The following XKR9 variants were observed in gnomAD, a reference collection of about 807,000 sequenced individuals.
The protein encoded by XKR9 is XK-related protein 9.
In XKR9, 32 loss-of-function variants were observed where a neutral mutation model predicts 32.0. That is an observed-to-expected ratio of 1.00 (90% CI 0.76 to 1.34). The LOEUF (loss-of-function observed/expected upper bound fraction) is 1.34. Ranked by LOEUF, XKR9 falls within the 40% of genes most tolerant of loss-of-function variation. The pLI is 0.00. For synonymous variants in XKR9, 168 were observed against 143.4 expected, an observed-to-expected ratio of 1.17 and a Z score of -1.22; for missense variants, 546 against 429.7, an observed-to-expected ratio of 1.27 and a Z score of -2.39.
intron 3 of XKR9, among the ~76,000 whole-genome samples, chr8:70,696,110 A>T (rs1258814866): frequency 4.6e-5 from 7 of 150,724 alleles, no homozygotes; most frequent in African/African-American, 1.7e-4. Context: ...AGGTTGCAAA[A>T]ATTTTCTCCC....
At chr8:70,809,384 A>G in the XKR9 span, among the ~76,000 whole-genome samples, 81,169 of 152,082 alleles carry the variant, frequency 0.53, 22,661 homozygotes, top group Middle Eastern at 0.62. Flanking sequence ...AAAAATCAGA[A>G]TGCCTCTCCT....
the XKR9 span, among the ~76,000 whole-genome samples, chr8:70,941,424 G>C: frequency 6.6e-6 from 1 of 152,014 alleles, no homozygotes; most frequent in Non-Finnish European, 1.5e-5. Flanking sequence ...TAAAGCCAGG[G>C]TCTGGAGTTA....
At chr8:70,751,831 T>C (rs1371920644) in intron 2 of XKR9, among the ~76,000 whole-genome samples, 2 of 152,186 alleles carry the variant, frequency 1.3e-5, no homozygotes, top group African/African-American at 4.8e-5. Flanking sequence ...TCTCACACCT[T>C]TGAACTTGGA....
chr8:71,028,662 A>G, the XKR9 span, among the ~76,000 whole-genome samples: 2 of 152,230 alleles, frequency 1.3e-5, no homozygotes, highest in Non-Finnish European at 2.9e-5. Flanking sequence ...ATAGATGTTA[A>G]TTAGCTTTAT....
chr8:70,871,781 G>A, the XKR9 span, among the ~76,000 whole-genome samples: 18 of 152,174 alleles, frequency 1.2e-4, no homozygotes, highest in African/African-American at 3.9e-4. Context: ...TAAATCAAAA[G>A]CTGGAAGTGA....
intron 4 of XKR9, among the ~76,000 whole-genome samples, chr8:70,730,954 T>C (rs1474196423): frequency 6.6e-6 from 1 of 152,172 alleles, no homozygotes; most frequent in Admixed American, 6.5e-5. Flanking sequence ...TATCCCCACA[T>C]GGTCACAAAG....
intron 2 of XKR9, among the ~76,000 whole-genome samples, chr8:70,784,783 A>G (rs193121603): frequency 6.6e-6 from 1 of 152,266 alleles, no homozygotes; most frequent in East Asian, 1.9e-4. Flanking sequence ...TCCAGATCTT[A>G]GAGGAAATGC....
the XKR9 span, among the ~76,000 whole-genome samples, chr8:70,984,603 A>G: frequency 3.9e-5 from 6 of 152,342 alleles, no homozygotes; most frequent in South Asian, 1.2e-3. Flanking sequence ...TTTGTTTTAA[A>G]TGGGCAAAGG....
At chr8:70,866,405 G>A in the XKR9 span, among the ~76,000 whole-genome samples, 1 of 152,200 alleles carries the variant, frequency 6.6e-6, no homozygotes, top group Admixed American at 6.5e-5. Context: ...GAAAGGAAGT[G>A]ATTGTGAAGG....
the XKR9 span, among the ~76,000 whole-genome samples, chr8:71,049,474 A>C: frequency 2.0e-5 from 3 of 152,182 alleles, no homozygotes; most frequent in Admixed American, 2.0e-4. Flanking sequence ...GCCTTTGAGG[A>C]ACTAATAATC....
At chr8:70,970,143 A>T in the XKR9 span, among the ~76,000 whole-genome samples, 2 of 152,022 alleles carry the variant, frequency 1.3e-5, no homozygotes, top group African/African-American at 2.4e-5. Context: ...CAGCTCGTTG[A>T]TTGATGGGCA....
intron 2 of XKR9, among the ~76,000 whole-genome samples, chr8:70,746,361 A>G (rs1319662711): frequency 6.8e-6 from 1 of 147,838 alleles, no homozygotes; most frequent in Non-Finnish European, 1.5e-5. Context: ...TATAAAGAAT[A>G]TAATTATATA....
At chr8:70,755,327 C>T (rs1807205028) in intron 2 of XKR9, among the ~76,000 whole-genome samples, 1 of 152,190 alleles carries the variant, frequency 6.6e-6, no homozygotes, top group Non-Finnish European at 1.5e-5. Flanking sequence ...TAAACTAGTT[C>T]AACCATTGTG....
At chr8:70,852,579 C>A in the XKR9 span, among the ~76,000 whole-genome samples, 3 of 152,066 alleles carry the variant, frequency 2.0e-5, no homozygotes, top group Non-Finnish European at 2.9e-5. Context: ...TTCACAATAG[C>A]AAAGACTTGG....
chr8:70,932,449 T>C, the XKR9 span, among the ~76,000 whole-genome samples: 41 of 152,200 alleles, frequency 2.7e-4, no homozygotes, highest in African/African-American at 9.9e-4. Context: ...GCCATAATAG[T>C]GATGTGAAGT....
At chr8:70,925,284 T>A in the XKR9 span, among the ~76,000 whole-genome samples, 3 of 152,124 alleles carry the variant, frequency 2.0e-5, no homozygotes, top group African/African-American at 7.2e-5. Context: ...AAATGGGCCC[T>A]CAATAGCATA....
At chr8:70,800,568 C>A in the XKR9 span, among the ~76,000 whole-genome samples, 1 of 152,126 alleles carries the variant, frequency 6.6e-6, no homozygotes, top group African/African-American at 2.4e-5. Flanking sequence ...TTACTGAAAC[C>A]TTTGCCTCCT....
chr8:70,821,706 A>G, the XKR9 span, among the ~76,000 whole-genome samples: 1 of 152,188 alleles, frequency 6.6e-6, no homozygotes, highest in Non-Finnish European at 1.5e-5. Flanking sequence ...GCACCCTCTG[A>G]AGCAATGGCC....
At chr8:70,683,344 GT>G (rs1819149105) in intron 3 of XKR9, among the ~76,000 whole-genome samples, 1 of 152,038 alleles carries the variant, frequency 6.6e-6, no homozygotes. Flanking sequence ...TTTAATGCCT[GT>G]TTTTAATCCC....
Sources: allele counts gnomAD v4.1 joint callset (sites outside exome capture counted in the v4.1 genomes callset), GRCh38; gene constraint gnomAD v4.1.1; transcripts MANE v1.5; gene names NCBI Gene and HGNC (gene_info 2026-07-23, HGNC 2026-07-21).